MRPL20: variants seen among roughly 807,000 people sequenced by gnomAD.
The protein encoded by MRPL20 is large ribosomal subunit protein bL20m.
MRPL20 carries 21 observed loss-of-function variants against 20.0 expected under a neutral mutation model. That is an observed-to-expected ratio of 1.05 (90% CI 0.74 to 1.51). The LOEUF (loss-of-function observed/expected upper bound fraction) is 1.51. Among genes scored for constraint, MRPL20 ranks in the 40% most tolerant of loss-of-function variants. MRPL20 has a pLI of 0.00. For missense variants in MRPL20, 252 were observed against 185.6 expected (o/e 1.36, Z -2.08); for synonymous variants, 104 against 73.0 (o/e 1.43, Z -2.17).
intron 2 of MRPL20, 182 bp downstream of exon 2, chr1:1,406,727 G>A (rs1236244226): frequency 1.6e-6 from 1 of 627,790 alleles, no homozygotes; most frequent in Non-Finnish European, 2.9e-6. Flanking sequence ...GTGGCGGCGG[G>A]GCGGGAGAAC....
At chr1:1,402,438 T>A in intron 3 of MRPL20, 182 bp from the exon 4 acceptor site, 2 of 1,376,538 alleles carry the variant, frequency 1.5e-6, no homozygotes, top group Non-Finnish European at 1.9e-6. Context: ...GAAGGATAAA[T>A]GTGGACACGG....
chr1:1,405,747 C>T (rs2100397682), intron 3 of MRPL20, 62 bp downstream of exon 3: 1 of 1,614,022 alleles, frequency 6.2e-7, no homozygotes, highest in Non-Finnish European at 8.5e-7. Flanking sequence ...CACCACCACG[C>T]CCCGCATGAT....
intron 3 of MRPL20, 107 bp from the exon 4 acceptor site, chr1:1,402,363 G>C (rs1050376414): frequency 1.6e-5 from 23 of 1,447,188 alleles, no homozygotes; most frequent in Middle Eastern, 4.7e-4. Flanking sequence ...ACTCGCCTGG[G>C]GGGAGGGAAG....
At position 1,406,909 on chromosome 1, in the gene MRPL20, G is replaced by A. The variant is rs201657865; in HGVS notation, c.198C>T (p.Thr66=). 1.1e-5 allele frequency: 18 copies of A among 1,611,896 alleles called. No individual in the cohort carries two copies. In the East Asian group the frequency reaches 2.7e-4, roughly 24 times the overall value. The change falls in exon 2 of 4, where the codon ACC becomes ACT. Residue 66 remains threonine, a splice_region_variant and synonymous_variant. Coordinates refer to ENST00000344843, the MANE Select transcript of MRPL20 (RefSeq NM_017971.4). ...ARYLKKKNMR[T]LWINRITAAS... ...GCGGGTGTCCCGGGTCCACGCTTACGGTCCTCATGTTCTTTTTCTTCAGGT... is the reference window on the plus strand; with the variant it reads ...GCGGGTGTCCCGGGTCCACGCTTACAGTCCTCATGTTCTTTTTCTTCAGGT...
chr1:1,403,511 G>A (rs1201731206), intron 3 of MRPL20, among the ~76,000 whole-genome samples: 2 of 151,916 alleles, frequency 1.3e-5, no homozygotes, highest in South Asian at 2.1e-4. Flanking sequence ...CAAAGTGCTG[G>A]GATTACAGGC....
Position 1,402,191 on chromosome 1 carries a change from T to C in MRPL20, c.342A>G (p.Lys114=), listed in dbSNP as rs535471459. Residue 114 remains lysine (K), a synonymous_variant, in exon 4 of 4, where the codon AAA becomes AAG. Coordinates refer to ENST00000344843, the MANE Select transcript of MRPL20 (RefSeq NM_017971.4). ...TCCTACTGGCCAAGGCAGCCAAAGA[T>C]TTGAAAGTCTTTGGCTCGTAGATGG... The part of the protein sequence containing the change: ...DLAIYEPKTF[K]SLAALASRRR... 7.4e-6 allele frequency: 12 copies of C among 1,614,038 alleles called. No individual in the cohort carries two copies. The East Asian group carries it at 1.8e-4, about 24-fold the overall frequency.
chr1:1,404,254 C>T (rs1164169737), intron 3 of MRPL20, among the ~76,000 whole-genome samples: 1 of 148,922 alleles, frequency 6.7e-6, no homozygotes, highest in East Asian at 2.0e-4. Context: ...CCCGGGTTCA[C>T]GCCATTCTCC....
At chr1:1,404,323 T>C (rs914178825) in intron 3 of MRPL20, among the ~76,000 whole-genome samples, 14 of 151,300 alleles carry the variant, frequency 9.3e-5, no homozygotes, top group Non-Finnish European at 1.8e-4. Flanking sequence ...CTGGCTAATT[T>C]TTTTGTATTT....
chr1:1,402,292 T>A (rs1645338498), intron 3 of MRPL20, 36 bp from the exon 4 acceptor site: 1 of 1,583,600 alleles, frequency 6.3e-7, no homozygotes, highest in Non-Finnish European at 8.6e-7. Flanking sequence ...GCTGTCAGTG[T>A]GAGACACACA....
Position 1,407,187 on chromosome 1 carries a change from G to T in MRPL20, c.31C>A (p.Arg11=). The T allele has an allele frequency of 6.2e-7, 1 of 1,606,410 alleles. No homozygotes were observed. Among genetic ancestry groups the T allele is most frequent in the South Asian group, 1.1e-5 (1 of 90,262 alleles). The change falls in exon 1 of 4, where the codon CGG becomes AGG. Residue 11 remains arginine, a synonymous_variant. Transcript: ENST00000344843. MVFLTAQLWL[R]NRVTDRYFRI... Reference sequence around the variant, plus strand: ...AAGTAGCGGTCGGTGACGCGATTCCGCAGCCAGAGCTGCGCGGTGAGGAAG... The same window carrying T: ...AAGTAGCGGTCGGTGACGCGATTCCTCAGCCAGAGCTGCGCGGTGAGGAAG...
At chr1:1,404,711 G>A (rs1645366852) in intron 3 of MRPL20, among the ~76,000 whole-genome samples, 1 of 152,046 alleles carries the variant, frequency 6.6e-6, no homozygotes, top group South Asian at 2.1e-4. Context: ...CTGTTAGCCA[G>A]GATGGTCTCA....
chr1:1,406,006 G>A (rs1645380627), intron 2 of MRPL20, 120 bp from the exon 3 acceptor site: 12 of 1,389,048 alleles, frequency 8.6e-6, no homozygotes, highest in Non-Finnish European at 1.2e-5. Flanking sequence ...AGTGAGCTAT[G>A]ATGGTGCCAT....
rs564404971 is a variant in MRPL20 at position 1,407,290 on chromosome 1, A to C, written c.-73T>G. The C allele has an allele frequency of 7.3e-6, 10 of 1,368,572 alleles. No individual in the cohort carries two copies. Among genetic ancestry groups the C allele is most frequent in the African/African-American group, 5.8e-5 (4 of 69,324 alleles). The allele number at this position is 1,368,572 out of a possible 1,614,324, so 84.8% of individuals were successfully genotyped here. A position where few individuals can be genotyped will look rare whatever the true frequency, so the allele number is the denominator to read the frequency against. On this transcript the variant is annotated 5_prime_UTR_variant, in exon 1 of 4. Coordinates refer to ENST00000344843, the MANE Select transcript of MRPL20 (RefSeq NM_017971.4). Reference sequence around the variant, plus strand: ...GCCGCTGCCATCTTGCCCGGGTCGGAAATGGTGGTCACGAGCGCTTCCGGG... The same window carrying C: ...GCCGCTGCCATCTTGCCCGGGTCGGCAATGGTGGTCACGAGCGCTTCCGGG...
rs574791983 is a variant in MRPL20, at chr1:1,404,853, C to T, written c.276+956G>A. Among the ~76,000 whole-genome samples, 10 of 152,260 alleles carry T rather than the reference C, an allele frequency of 6.6e-5. No homozygotes were observed. The South Asian group carries it at 2.1e-3, about 32-fold the overall frequency. On this transcript the variant is annotated intron_variant, in intron 3 of 3. Transcript: ENST00000344843. ...CCCTGTTTCCAATTCTGCTCTGCTGCCAACCAGTGCGGTAAGCTCCCAGAC... is the reference window on the plus strand; with the variant it reads ...CCCTGTTTCCAATTCTGCTCTGCTGTCAACCAGTGCGGTAAGCTCCCAGAC...
At chr1:1,402,675 C>T (rs1298474211) in intron 3 of MRPL20, 11 of 952,236 alleles carry the variant, frequency 1.2e-5, no homozygotes, top group Non-Finnish European at 1.4e-5. Flanking sequence ...GGGGGGCCGT[C>T]TCTTTGAGCA....
In MRPL20 at chr1:1,405,839, C is replaced by T. The variant is rs1236360635; in HGVS notation, c.246G>A (p.Lys82=). The change falls in exon 3 of 4, where the codon AAG becomes AAA. Residue 82 remains lysine (K), a synonymous_variant. Coordinates refer to ENST00000344843, the MANE Select transcript of MRPL20 (RefSeq NM_017971.4). ...ITAASQEHGL[K]YPALIGNLVK... is the part of the protein sequence containing the mutation. Reference sequence around the variant, plus strand: ...CTAAATTCCCAATGAGCGCTGGATACTTCAGTCCATGTTCCTGGCTAGCAG... The same window carrying T: ...CTAAATTCCCAATGAGCGCTGGATATTTCAGTCCATGTTCCTGGCTAGCAG... The T allele has an allele frequency of 5.6e-6, 9 of 1,614,018 alleles. No homozygotes were observed. The highest frequency in any genetic ancestry group is 5.0e-5 in the Admixed American group (3 of 60,004).
At chr1:1,403,282 C>T (rs551399587) in intron 3 of MRPL20, among the ~76,000 whole-genome samples, 161 of 151,914 alleles carry the variant, frequency 1.1e-3, no homozygotes, top group African/African-American at 3.7e-3. Flanking sequence ...CTCACTGTGT[C>T]GCCCAAGCTG....
At position 1,407,203 on chromosome 1, in the gene MRPL20, G is replaced by A. The variant is rs747694977; in HGVS notation, c.15C>T (p.Thr5=). ...CGCGATTCCGCAGCCAGAGCTGCGCGGTGAGGAAGACCATGGCGCCTGCAG... is the reference window on the plus strand; with the variant it reads ...CGCGATTCCGCAGCCAGAGCTGCGCAGTGAGGAAGACCATGGCGCCTGCAG... The part of the protein sequence containing the change: MVFL[T]AQLWLRNRVT... Residue 5 remains threonine (T), a synonymous_variant, in exon 1 of 4, where the codon ACC becomes ACT. Coordinates refer to ENST00000344843, the MANE Select transcript of MRPL20 (RefSeq NM_017971.4). 4 of 1,604,130 alleles carry A rather than the reference G, an allele frequency of 2.5e-6. No individual in the cohort carries two copies. Among genetic ancestry groups the A allele is most frequent in the South Asian group, 1.1e-5 (1 of 90,086 alleles).
chr1:1,402,357 G>C, intron 3 of MRPL20, 101 bp from the exon 4 acceptor site: 2 of 1,459,002 alleles, frequency 1.4e-6, no homozygotes. Context: ...CTGCACACTC[G>C]CCTGGGGGGA....
Sources: allele counts gnomAD v4.1 joint callset (sites outside exome capture counted in the v4.1 genomes callset), GRCh38; gene constraint gnomAD v4.1.1; transcripts MANE v1.5; gene names NCBI Gene and HGNC (gene_info 2026-07-23, HGNC 2026-07-21).